The following HECTD2 variants were observed in gnomAD, a reference collection of about 807,000 sequenced individuals.
HECTD2 encodes HECT domain E3 ubiquitin protein ligase 2, also known as probable E3 ubiquitin-protein ligase HECTD2.
Under a neutral mutation model 103.2 loss-of-function variants are expected in HECTD2, and 35 were observed. That is an observed-to-expected ratio of 0.34 (90% CI 0.26 to 0.45). HECTD2 has a LOEUF of 0.45. Among genes scored for constraint, HECTD2 ranks in the 20% least tolerant of loss-of-function variants. The pLI, the probability that HECTD2 is intolerant of heterozygous loss-of-function variation, is 1.00. For missense variants in HECTD2, 596 were observed against 937.4 expected (o/e 0.64, Z 4.76); for synonymous variants, 281 against 329.9 (o/e 0.85, Z 1.61).
chr10:91,512,177 G>A (rs1847448488), intron 20 of HECTD2, 87 bp from the exon 21 acceptor site: 3 of 1,353,166 alleles, frequency 2.2e-6, no homozygotes, highest in South Asian at 1.3e-5. Flanking sequence ...ATTTGAATGT[G>A]TGTGTCCTGG....
intron 5 of HECTD2, chr10:91,463,116 G>T (rs932062916): frequency 6.6e-6 from 1 of 151,780 alleles, no homozygotes; most frequent in Non-Finnish European, 1.5e-5. Flanking sequence ...AAAAATCTGT[G>T]TATAACTTTT....
At chr10:91,508,659 CTT>C (rs1564741386) in intron 20 of HECTD2, among the ~76,000 whole-genome samples, 1 of 148,274 alleles carries the variant, frequency 6.7e-6, no homozygotes, top group South Asian at 2.1e-4. Context: ...AATAGGAACA[CTT>C]TTACACTGTT....
rs541646030 is a variant in HECTD2 at position 91,439,240 on chromosome 10, A to T, written c.268+13830A>T. ...ATCCTTAAGTCTTTAATTCATCTTGAGTTAATTTTTGTATGAGGTGTAAGG... is the reference window on the plus strand; with the variant it reads ...ATCCTTAAGTCTTTAATTCATCTTGTGTTAATTTTTGTATGAGGTGTAAGG... On this transcript the variant is annotated intron_variant, in intron 2 of 20. Coordinates refer to ENST00000298068, the MANE Select transcript of HECTD2 (RefSeq NM_182765.6). Among the ~76,000 whole-genome samples, 12 of 152,040 alleles carry T rather than the reference A, an allele frequency of 7.9e-5. No homozygotes were observed. The South Asian group carries it at 8.3e-4, about 11-fold the overall frequency.
intron 2 of HECTD2, among the ~76,000 whole-genome samples, chr10:91,450,828 A>T (rs891298302): frequency 6.6e-6 from 1 of 152,218 alleles, no homozygotes; most frequent in Non-Finnish European, 1.5e-5. Context: ...ATACCATCTC[A>T]TGCCAGTTAG....
intron 20 of HECTD2, among the ~76,000 whole-genome samples, chr10:91,510,792 C>G (rs1847391803): frequency 6.6e-6 from 1 of 152,120 alleles, no homozygotes; most frequent in Non-Finnish European, 1.5e-5. Flanking sequence ...AAATGTATGT[C>G]TGGTGCGTAA....
intron 2 of HECTD2, among the ~76,000 whole-genome samples, chr10:91,457,273 A>G (rs1845142694): frequency 6.6e-6 from 1 of 152,094 alleles, no homozygotes. Flanking sequence ...CTACCAGAAA[A>G]TAGACGAAAA....
chr10:91,436,190 C>T (rs888142197), intron 2 of HECTD2, among the ~76,000 whole-genome samples: 1 of 151,886 alleles, frequency 6.6e-6, no homozygotes, highest in African/African-American at 2.4e-5. Context: ...AGGCTGTCAT[C>T]AGAAGTTTGG....
At chr10:91,438,999 T>C (rs573911930) in intron 2 of HECTD2, among the ~76,000 whole-genome samples, 1 of 152,306 alleles carries the variant, frequency 6.6e-6, no homozygotes, top group African/African-American at 2.4e-5. Flanking sequence ...ATGGATAGAT[T>C]GCAAACATTT....
intron 7 of HECTD2, 60 bp from the exon 8 acceptor site, chr10:91,482,905 AGT>A: frequency 1.4e-6 from 1 of 694,376 alleles, no homozygotes; most frequent in Non-Finnish European, 2.5e-6. Context: ...TATTAAGCTT[AGT>A]GTCTTTCCTT....
chr10:91,466,792 C>T (rs1047217875), intron 5 of HECTD2, among the ~76,000 whole-genome samples: 1 of 152,036 alleles, frequency 6.6e-6, no homozygotes, highest in African/African-American at 2.4e-5. Flanking sequence ...TGGTACATTC[C>T]ATATCATGGA....
At position 91,493,463 on chromosome 10, in the gene HECTD2, C is replaced by T; in HGVS notation, c.1476C>T (p.Ser492=). Residue 492 remains serine (S), a synonymous_variant, in exon 14 of 21, where the codon AGC becomes AGT. Coordinates refer to ENST00000298068, the MANE Select transcript of HECTD2 (RefSeq NM_182765.6). The part of the protein sequence containing the change: ...YHKDSHCHWF[S]SFKCDNYSEF... ...AGGATTCACACTGCCATTGGTTTAG[C>T]AGCTTTAAATGTGATAACTATTCTG... The T allele has an allele frequency of 6.4e-7, 1 of 1,558,224 alleles. No homozygotes were observed. Among genetic ancestry groups the T allele is most frequent in the Non-Finnish European group, 8.7e-7 (1 of 1,154,802 alleles).
chr10:91,459,037 A>G (rs1185775997), intron 2 of HECTD2, among the ~76,000 whole-genome samples: 1 of 152,030 alleles, frequency 6.6e-6, no homozygotes, highest in African/African-American at 2.4e-5. Context: ...ACAGCAAAAA[A>G]GTAATCCAGT....
chr10:91,485,170 A>C lies in HECTD2; in HGVS notation c.971-10A>C, dbSNP rs778428769. The C allele has an allele frequency of 9.3e-6, 14 of 1,512,660 alleles. No homozygotes were observed. Among genetic ancestry groups the C allele is most frequent in the Admixed American group, 2.1e-5 (1 of 46,916 alleles). The allele number at this position is 1,512,660 out of a possible 1,614,324, so 93.7% of individuals were successfully genotyped here. ...GGAAAAAGTCTTTATGTTAGAATTT[A>C]TCTTTACAGATACTGCAAACAATTT... On this transcript the variant is annotated splice_polypyrimidine_tract_variant and intron_variant, in intron 9 of 20. Coordinates refer to ENST00000298068, the MANE Select transcript of HECTD2 (RefSeq NM_182765.6).
At chr10:91,470,805 A>C (rs1008010441) in intron 5 of HECTD2, among the ~76,000 whole-genome samples, 1 of 152,014 alleles carries the variant, frequency 6.6e-6, no homozygotes, top group Non-Finnish European at 1.5e-5. Context: ...TACCAACCCC[A>C]AAAAAAGCCC....
intron 20 of HECTD2, among the ~76,000 whole-genome samples, chr10:91,506,764 A>C (rs912727924): frequency 5.7e-4 from 87 of 152,144 alleles, no homozygotes; most frequent in South Asian, 5.4e-3. Flanking sequence ...ATCCTCCCTA[A>C]CTCATTTTAT....
chr10:91,487,724 AAAAAAAATCATTATTCAG>A lies in HECTD2; in HGVS notation c.1139_1156del (p.Lys380_Gln385del). ...ACCCATTCGTTATTTCTGTAGCTGC[AAAAAAAATCATTATTCAG>A]AGAGACTCAGAGCAACAGATGATAA... On this transcript the variant is annotated inframe_deletion, in exon 11 of 21. Coordinates refer to ENST00000298068, the MANE Select transcript of HECTD2 (RefSeq NM_182765.6). The surrounding 1 kb of genome is among the most constrained non-coding windows in gnomAD (Gnocchi z 4.1). 1 of 1,605,600 alleles carries A rather than the reference AAAAAAAATCATTATTCAG, an allele frequency of 6.2e-7. No homozygotes were observed. The highest frequency in any genetic ancestry group is 8.5e-7 in the Non-Finnish European group (1 of 1,173,350).
intron 1 of HECTD2, among the ~76,000 whole-genome samples, chr10:91,421,558 GGCCGCATTCAAA>G (rs1489349855): frequency 2.0e-5 from 3 of 152,164 alleles, no homozygotes; most frequent in Non-Finnish European, 4.4e-5. Flanking sequence ...ATTTGTGTTG[GGCCGCATTCAAA>G]GCCATCCTGG....
At chr10:91,424,752 T>C (rs577355341) in intron 1 of HECTD2, among the ~76,000 whole-genome samples, 1 of 152,180 alleles carries the variant, frequency 6.6e-6, no homozygotes, top group African/African-American at 2.4e-5. Flanking sequence ...AAAAAAAAAT[T>C]CTGGTATGCC....
intron 2 of HECTD2, among the ~76,000 whole-genome samples, chr10:91,445,729 G>C (rs979450556): frequency 1.3e-5 from 2 of 152,092 alleles, no homozygotes; most frequent in East Asian, 1.9e-4. Context: ...TGCAGACTGT[G>C]GGGGGCAAGC....
Sources: allele counts gnomAD v4.1 joint callset (sites outside exome capture counted in the v4.1 genomes callset), GRCh38; gene constraint gnomAD v4.1.1; non-coding constraint Gnocchi (gnomAD v3.1); transcripts MANE v1.5; gene names NCBI Gene and HGNC (gene_info 2026-07-23, HGNC 2026-07-21).